Variants in MUS81 observed in about 807,000 individuals in gnomAD.
MUS81 encodes MUS81 structure-specific endonuclease subunit, also known as structure-specific endonuclease subunit MUS81.
MUS81 carries 69 observed loss-of-function variants against 74.2 expected under a neutral mutation model. The observed-to-expected ratio is 0.93, with a 90% CI of 0.77 to 1.14. MUS81 has a LOEUF of 1.14. MUS81 is among the 50% of genes most tolerant of loss of function. The pLI, the probability that MUS81 is intolerant of heterozygous loss-of-function variation, is 0.00. For missense variants in MUS81, 711 were observed against 726.5 expected (o/e 0.98, Z 0.25); for synonymous variants, 303 against 300.6 (o/e 1.01, Z -0.08).
Position 65,866,156 on chromosome 11 carries a change from C to T in MUS81, c.*104C>T. 1 of 1,135,888 alleles carries T rather than the reference C, an allele frequency of 8.8e-7. No individual in the cohort carries two copies. The highest frequency in any genetic ancestry group is 1.3e-6 in the Non-Finnish European group (1 of 796,236). 70.4% of individuals were successfully genotyped at this position (1,135,888 alleles called of 1,614,324 possible). Reference sequence around the variant, plus strand: ...GGTACAATTAGAATCTAAGTGTTTGCAGCCATATGTGTCATGTAGAAGATG... The same window carrying T: ...GGTACAATTAGAATCTAAGTGTTTGTAGCCATATGTGTCATGTAGAAGATG... On this transcript the variant is annotated 3_prime_UTR_variant, in exon 16 of 16. Transcript: ENST00000308110.
downstream of MUS81, chr11:65,867,390 G>C (rs1591065058): frequency 1.0e-5 from 5 of 501,812 alleles, no homozygotes; most frequent in Admixed American, 1.3e-4. Context: ...GACCCAAAGT[G>C]AGCAGACTCC....
At chr11:65,866,606 C>T (rs1043479), downstream of MUS81, 1 of 703,046 alleles carries the variant, frequency 1.4e-6, no homozygotes, top group South Asian at 1.5e-5. Context: ...GTCCAAATCT[C>T]TGGGCCGGGG....
At position 65,863,604 on chromosome 11, in the gene MUS81, G is replaced by A. The variant is rs1306763011; in HGVS notation, c.844G>A (p.Gly282Arg). 10 of 1,613,862 alleles carry A rather than the reference G, an allele frequency of 6.2e-6. No individual in the cohort carries two copies. The highest frequency in any genetic ancestry group is 5.3e-5 in the African/African-American group (4 of 74,924). Residue 282 changes from glycine (G) to arginine (R), a missense_variant, in exon 9 of 16, where the codon GGG (glycine) becomes AGG (arginine). By Grantham distance (125) the Gly-to-Arg change is moderately radical. Coordinates refer to ENST00000308110, the MANE Select transcript of MUS81 (RefSeq NM_025128.5). ...CVDIGETRGG[G>R]HRPELLRELQ... ...CTTCCCTCCTTGCCACTCCAGGGGC[G>A]GGCACAGGCCGGAGCTGCTCCGAGA...
intron 14 of MUS81, 138 bp downstream of exon 14, chr11:65,865,461 G>A (rs554865395): frequency 5.9e-5 from 54 of 922,536 alleles, no homozygotes; most frequent in African/African-American, 3.2e-4. Context: ...CAGGGTGCTC[G>A]TGGAGGTCAA....
chr11:65,864,193 T>C, intron 10 of MUS81: 1 of 584,640 alleles, frequency 1.7e-6, no homozygotes, highest in Non-Finnish European at 3.1e-6. Flanking sequence ...GGAGTGGAAA[T>C]ACAGAGGCTG....
At chr11:65,866,778 G>T, downstream of MUS81, 1 of 1,133,830 alleles carries the variant, frequency 8.8e-7, no homozygotes, top group Non-Finnish European at 1.3e-6. Flanking sequence ...CCCTGCCCCA[G>T]CCTGAGGCTT....
At chr11:65,865,917 G>A (rs755885142) in intron 15 of MUS81, 23 bp downstream of exon 15, 1 of 1,614,128 alleles carries the variant, frequency 6.2e-7, no homozygotes, top group East Asian at 2.2e-5. Flanking sequence ...GACGGAACCT[G>A]GAGGGAGTGG....
At position 65,861,063 on chromosome 11, in the gene MUS81, A is replaced by T. The variant is rs1859581540; in HGVS notation, c.226A>T (p.Met76Leu). 5.6e-6 allele frequency: 9 copies of T among 1,612,500 alleles called. No homozygotes were observed. Among genetic ancestry groups the T allele is most frequent in the Non-Finnish European group, 7.6e-6 (9 of 1,179,980 alleles). The change falls in exon 2 of 16, where the codon ATG becomes TTG. Residue 76 changes from methionine (M) to leucine (L), a missense_variant. Physicochemically the swap from Met to Leu is conservative, Grantham distance 15. Transcript: ENST00000308110. ...LQHFGDGLCR[M>L]LDERLQRHRT... ...GCACTTCGGAGACGGGCTCTGCCGG[A>T]TGCTGGACGAGCGGCTGCAGCGGCA...
downstream of MUS81, chr11:65,866,803 C>A: frequency 1.5e-6 from 2 of 1,376,886 alleles, no homozygotes; most frequent in Non-Finnish European, 1.0e-6. Flanking sequence ...CAGTGTGACC[C>A]GCCCACCTCA....
chr11:65,864,409 C>T (rs1390396470), intron 10 of MUS81, 88 bp from the exon 11 acceptor site: 9 of 1,225,208 alleles, frequency 7.3e-6, no homozygotes, highest in Middle Eastern at 2.1e-4. Context: ...AACAGGGTCC[C>T]GGCACCATTT....
Position 65,866,398 on chromosome 11 carries a change from T to A in MUS81, c.*346T>A. 1.6e-6 allele frequency: 1 copy of A among 641,336 alleles called. No homozygotes were observed. The highest frequency in any genetic ancestry group is 2.8e-6 in the Non-Finnish European group (1 of 362,276). The allele number at this position is 641,336 out of a possible 1,614,324, so 39.7% of individuals were successfully genotyped here. A position where few individuals can be genotyped will look rare whatever the true frequency, so the allele number is the denominator to read the frequency against. On this transcript the variant is annotated 3_prime_UTR_variant, in exon 16 of 16. Coordinates refer to ENST00000308110, the MANE Select transcript of MUS81 (RefSeq NM_025128.5). The stretch of plus-strand genomic sequence containing the variant: ...GGGCTCATTGGGAAAATAAAAATAA[T>A]AAAAATAAATAAAACTTCCTAAAAG...
At chr11:65,865,946 T>C (rs771627398) in intron 15 of MUS81, 40 bp from the exon 16 acceptor site, 2 of 1,613,758 alleles carry the variant, frequency 1.2e-6, no homozygotes, top group Admixed American at 1.7e-5. Context: ...GGGGCTGCCC[T>C]AGGCCCAGGG....
Position 65,860,802 on chromosome 11 carries a change from C to A in MUS81, c.49C>A (p.Pro17Thr), listed in dbSNP as rs1032767138. ...LGRKRPLPAC[P>T]NPLFVRWLTE... ...CCGGAAGCGCCCGCTGCCTGCCTGT[C>A]CCAACCCGCTCTTCGTTCGCTGGCT... The change falls in exon 1 of 16, where the codon CCC becomes ACC. Residue 17 changes from proline (P) to threonine (T), a missense_variant. Transcript: ENST00000308110. 3 of 1,544,248 alleles carry A rather than the reference C, an allele frequency of 1.9e-6. No individual in the cohort carries two copies. The African/African-American group carries it at 4.1e-5, about 21-fold the overall frequency.
At chr11:65,866,492 G>C, downstream of MUS81, 2 of 702,692 alleles carry the variant, frequency 2.8e-6, no homozygotes, top group Non-Finnish European at 5.2e-6. Context: ...GGAACTACTA[G>C]GGCTTATCCA....
At chr11:65,861,316 T>G (rs1356353661) in intron 2 of MUS81, 34 bp from the exon 3 acceptor site, 2 of 1,563,732 alleles carry the variant, frequency 1.3e-6, no homozygotes, top group Admixed American at 3.7e-5. Flanking sequence ...GCCGGATTCG[T>G]GGAGTGTGGA....
downstream of MUS81, chr11:65,866,718 C>G: frequency 1.4e-6 from 1 of 739,748 alleles, no homozygotes; most frequent in Non-Finnish European, 2.4e-6. Context: ...TGGGCCTGAA[C>G]ATATAGAGAC....
downstream of MUS81, chr11:65,866,925 G>A (rs552721291): frequency 6.2e-7 from 1 of 1,614,150 alleles, no homozygotes; most frequent in South Asian, 1.1e-5. Flanking sequence ...TCCTCAGAAG[G>A]TGTAGGCCCC....
chr11:65,860,597 G>T lies in MUS81; in HGVS notation c.-157G>T. 1 of 969,526 alleles carries T rather than the reference G, an allele frequency of 1.0e-6. No homozygotes were observed. Among genetic ancestry groups the T allele is most frequent in the Non-Finnish European group, 1.5e-6 (1 of 646,012 alleles). The allele number at this position is 969,526 out of a possible 1,614,324, so 60.1% of individuals were successfully genotyped here. ...GGCCGCAGGCTCTCCTCTCGTTAGT[G>T]CCCCCTGTGTTTGGGGCCCCGTGAT... On this transcript the variant is annotated 5_prime_UTR_variant, in exon 1 of 16. Transcript: ENST00000308110.
At chr11:65,867,304 A>C (rs1859869440), downstream of MUS81, 1 of 595,876 alleles carries the variant, frequency 1.7e-6, no homozygotes, top group East Asian at 2.8e-5. Context: ...CACCCTCTCC[A>C]GCCTGCTCTG....
Sources: gnomAD v4.1 joint callset for allele counts on GRCh38, gnomAD v4.1.1 for gene constraint, MANE v1.5 for transcripts, NCBI Gene and HGNC (gene_info 2026-07-23, HGNC 2026-07-21) for gene names.